The following SMG6 variants were observed in gnomAD, a reference collection of about 807,000 sequenced individuals.
SMG6 encodes the protein telomerase-binding protein EST1A.
In SMG6, 66 loss-of-function variants were observed where a neutral mutation model predicts 142.2. That is an observed-to-expected ratio of 0.46 (90% CI 0.38 to 0.57). The LOEUF is 0.57. SMG6 is among the 20% of genes least tolerant of loss of function. The pLI, the probability that SMG6 is intolerant of heterozygous loss-of-function variation, is 0.00. For missense variants in SMG6, 1,793 were observed against 1,832.0 expected, an observed-to-expected ratio of 0.98 and a Z score of 0.39; for synonymous variants, 779 against 702.4, an observed-to-expected ratio of 1.11 and a Z score of -1.72.
intron 4 of SMG6, 108 bp downstream of exon 4, chr17:2,297,135 T>C (rs977031536): frequency 1.8e-5 from 13 of 726,848 alleles, no homozygotes; most frequent in Admixed American, 5.0e-5. Flanking sequence ...CTGAACTGTA[T>C]CATTATTTTA....
In SMG6 at chr17:2,068,760, C is replaced by T; in HGVS notation, c.3835+18G>A. ...CTGTGCACATGCAAGGCCGCTCTGCCCTTCCCGCCTGACTCACCGATGAGG... is the reference window on the plus strand; with the variant it reads ...CTGTGCACATGCAAGGCCGCTCTGCTCTTCCCGCCTGACTCACCGATGAGG... On this transcript the variant is annotated intron_variant, in intron 16 of 18. Transcript: ENST00000263073. This position sits in a 1 kb window ranked among gnomAD's most constrained non-coding sequence, Gnocchi z 6.7. 1 of 1,612,298 alleles carries T rather than the reference C, an allele frequency of 6.2e-7. No homozygotes were observed. Among genetic ancestry groups the T allele is most frequent in the African/African-American group, 1.3e-5 (1 of 75,052 alleles).
chr17:2,300,628 T>C lies in SMG6; in HGVS notation c.125A>G (p.Lys42Arg), dbSNP rs757541512. The change falls in exon 2 of 19, where the codon AAA (lysine) becomes AGA (arginine). Residue 42 changes from lysine to arginine, a missense_variant. Physicochemically the swap from Lys to Arg is conservative, Grantham distance 26. Around this residue, in one of 3 missense-constraint regions of SMG6, gnomAD observed 1,597 missense variants for 1,584.6 expected, o/e 1.01. Coordinates refer to ENST00000263073, the MANE Select transcript of SMG6 (RefSeq NM_017575.5). ...TTCCAGATCTGGACGCCTGTTATCTTTGCGCGGCCTGGCCTCCTTTAATTC... is the reference window on the plus strand; with the variant it reads ...TTCCAGATCTGGACGCCTGTTATCTCTGCGCGGCCTGGCCTCCTTTAATTC... Reference protein sequence around the residue: ...MKELKEARPRKDNRRPDLEIY... With the variant: ...MKELKEARPRRDNRRPDLEIY... 46 of 1,604,992 alleles carry C rather than the reference T, an allele frequency of 2.9e-5. No individual in the cohort carries two copies. Among genetic ancestry groups the C allele is most frequent in the Admixed American group, 5.2e-5 (3 of 57,426 alleles).
intron 6 of SMG6, among the ~76,000 whole-genome samples, chr17:2,288,538 C>T (rs1037864359): frequency 6.6e-6 from 1 of 151,140 alleles, no homozygotes; most frequent in African/African-American, 2.4e-5. Context: ...AGGAGGATCA[C>T]TTGAGCCTGG....
chr17:2,300,796 T>C (rs1238398249), intron 1 of SMG6, 132 bp from the exon 2 acceptor site: 4 of 770,330 alleles, frequency 5.2e-6, no homozygotes, highest in Middle Eastern at 3.3e-4. Context: ...CAAATGCTAA[T>C]ACTGGTAGGC....
intron 13 of SMG6, among the ~76,000 whole-genome samples, chr17:2,133,132 A>G (rs941096339): frequency 6.6e-6 from 1 of 151,998 alleles, no homozygotes; most frequent in African/African-American, 2.4e-5. Context: ...GTAGTCCCAG[A>G]TACTCGGGAG....
Position 2,266,272 on chromosome 17 carries a change from G to A in SMG6, c.2661+16375C>T, listed in dbSNP as rs542645259. Reference sequence around the variant, plus strand: ...TGTGGGTAACACAGAATATACACACGCACGCGAACAGGATATGCTGGTAAT... The same window carrying A: ...TGTGGGTAACACAGAATATACACACACACGCGAACAGGATATGCTGGTAAT... On this transcript the variant is annotated intron_variant, in intron 8 of 18. Transcript: ENST00000263073. 8 of 669,558 alleles carry A rather than the reference G, an allele frequency of 1.2e-5. No individual in the cohort carries two copies. In the South Asian group the frequency reaches 2.0e-4, roughly 17 times the overall value. 41.5% of individuals were successfully genotyped at this position (669,558 alleles called of 1,614,324 possible).
intron 6 of SMG6, among the ~76,000 whole-genome samples, chr17:2,286,649 C>CGA (rs762672581): frequency 7.9e-5 from 12 of 152,046 alleles, no homozygotes; most frequent in Admixed American, 3.3e-4. Context: ...GTCTAAAACT[C>CGA]TAAGAAGAAA....
At chr17:2,174,167 G>A (rs1381377860) in intron 12 of SMG6, among the ~76,000 whole-genome samples, 1 of 152,178 alleles carries the variant, frequency 6.6e-6, no homozygotes, top group East Asian at 1.9e-4. Flanking sequence ...GGGAACATGA[G>A]AAGGGAGGAT....
At chr17:2,131,291 C>T (rs909650172) in intron 13 of SMG6, among the ~76,000 whole-genome samples, 9 of 143,206 alleles carry the variant, frequency 6.3e-5, no homozygotes, top group Non-Finnish European at 1.2e-4. Flanking sequence ...ATTGCACACT[C>T]AGAAATGATT....
chr17:2,112,310 A>C (rs949747427), intron 13 of SMG6, among the ~76,000 whole-genome samples: 15 of 151,458 alleles, frequency 9.9e-5, no homozygotes, highest in South Asian at 2.1e-4. Flanking sequence ...CGAGACCATC[A>C]TGGCTAACAT....
In SMG6 at chr17:2,060,915, G is replaced by C. The variant is rs2067754787; in HGVS notation, c.*577C>G. On this transcript the variant is annotated 3_prime_UTR_variant, in exon 19 of 19. Coordinates refer to ENST00000263073, the MANE Select transcript of SMG6 (RefSeq NM_017575.5). ...GATGGTAGAAGAGGTGGGGGCCCAG[G>C]GCTGCTGTTAGGGACATGCTGTCTA... 6.5e-6 allele frequency: 1 copy of C among 153,796 alleles called. No individual in the cohort carries two copies. The highest frequency in any genetic ancestry group is 2.4e-5 in the African/African-American group (1 of 41,436). The allele number at this position is 153,796 out of a possible 1,614,324, so 9.5% of individuals were successfully genotyped here.
chr17:2,122,497 T>A (rs2069734255), intron 13 of SMG6: 1 of 152,198 alleles, frequency 6.6e-6, no homozygotes, highest in Admixed American at 6.5e-5. Context: ...TGCTGTGTCC[T>A]AACACTGGAT....
chr17:2,200,005 TCTGCCTCCC>T (rs2072465857), intron 10 of SMG6: 4 of 147,872 alleles, frequency 2.7e-5, no homozygotes, highest in Non-Finnish European at 6.0e-5. Flanking sequence ...CACTGTAACC[TCTGCCTCCC>T]GGGTTCAAGC....
At position 2,071,870 on chromosome 17, in the gene SMG6, C is replaced by CTG. The variant is rs145983395; in HGVS notation, c.3682-2941_3682-2940dup. On this transcript the variant is annotated intron_variant, in intron 15 of 18. Transcript: ENST00000263073. This position sits in a 1 kb window ranked among gnomAD's most constrained non-coding sequence, Gnocchi z 5.6. ...CATTTCCGGCCCTTTCTGAGTGGCG[C>CTG]TGTGTGTGTGTGTGTGTTTAGCATC... The CTG allele has an allele frequency of 0.032, 4,784 of 151,178 alleles. 111 individuals are homozygous for CTG. The highest frequency in any genetic ancestry group is 0.1 in the East Asian group (523 of 5,146). The allele number at this position is 151,178 out of a possible 1,614,324, so 9.4% of individuals were successfully genotyped here.
At chr17:2,251,378 C>T (rs1385329234) in intron 8 of SMG6, among the ~76,000 whole-genome samples, 1 of 152,060 alleles carries the variant, frequency 6.6e-6, no homozygotes, top group African/African-American at 2.4e-5. Flanking sequence ...CAAAGAGCCA[C>T]GCTGAGGCTG....
chr17:2,086,529 GT>G (rs891460233), intron 13 of SMG6, among the ~76,000 whole-genome samples: 12 of 152,164 alleles, frequency 7.9e-5, no homozygotes, highest in Non-Finnish European at 7.3e-5. Context: ...AGGTGGGGAT[GT>G]TTCACCAAAG....
Position 2,065,129 on chromosome 17 carries a change from G to A in SMG6, c.4073C>T (p.Ser1358Phe), listed in dbSNP as rs200297966. 1 of 1,613,868 alleles carries A rather than the reference G, an allele frequency of 6.2e-7. No individual in the cohort carries two copies. Among genetic ancestry groups the A allele is most frequent in the Non-Finnish European group, 8.5e-7 (1 of 1,179,814 alleles). Residue 1358 changes from serine to phenylalanine, a missense_variant, in exon 18 of 19, where the codon TCC (serine) becomes TTC (phenylalanine). Coordinates refer to ENST00000263073, the MANE Select transcript of SMG6 (RefSeq NM_017575.5). ...QLGNNDDLILSCCLHYCKDKA... is the reference protein window; with the variant it reads ...QLGNNDDLILFCCLHYCKDKA... ...GTCTTTGCAGTAGTGGAGGCAGCAG[G>A]ACAGGATGAGATCATCGTTGTTACC... is the stretch of plus-strand genomic sequence containing the variant.
At chr17:2,240,204 A>G (rs905417316) in intron 9 of SMG6, 7 of 152,218 alleles carry the variant, frequency 4.6e-5, no homozygotes, top group Non-Finnish European at 1.0e-4. Context: ...TGTGATCTCT[A>G]GAGACACCTT....
At chr17:2,120,143 T>C (rs1309370805) in intron 13 of SMG6, among the ~76,000 whole-genome samples, 1 of 152,194 alleles carries the variant, frequency 6.6e-6, no homozygotes, top group African/African-American at 2.4e-5. Flanking sequence ...GAGTAGAAGA[T>C]CCTCATCACT....
Sources: gnomAD v4.1 joint callset for allele counts (sites outside exome capture counted in the v4.1 genomes callset) on GRCh38, gnomAD v4.1.1 for gene constraint, gnomAD v4.1.1 regional missense constraint, Gnocchi (gnomAD v3.1) non-coding constraint, MANE v1.5 for transcripts, NCBI Gene and HGNC (gene_info 2026-07-23, HGNC 2026-07-21) for gene names.